Variants in ALAS1 observed in about 807,000 individuals in gnomAD.
The protein encoded by ALAS1 is 5'-aminolevulinate synthase 1.
ALAS1 carries 29 observed loss-of-function variants against 59.6 expected under a neutral mutation model. That is an observed-to-expected ratio of 0.49 (90% CI 0.36 to 0.66). The LOEUF (loss-of-function observed/expected upper bound fraction) is 0.66, where lower values mean the gene tolerates loss of function less well. Ranked by LOEUF, ALAS1 falls within the 30% of genes least tolerant of loss-of-function variation. ALAS1 has a pLI of 0.00. For synonymous variants in ALAS1, 299 were observed against 296.6 expected, an observed-to-expected ratio of 1.01 and a Z score of -0.08; for missense variants, 690 against 807.5, an observed-to-expected ratio of 0.85 and a Z score of 1.76.
At chr3:52,200,113 G>A (rs776032091) in intron 3 of ALAS1, among the ~76,000 whole-genome samples, 1 of 152,172 alleles carries the variant, frequency 6.6e-6, no homozygotes, top group Non-Finnish European at 1.5e-5. Context: ...ACCGTGCCCG[G>A]CCCCTTTGGC....
chr3:52,212,148 C>A, intron 10 of ALAS1, 110 bp from the exon 11 acceptor site: 1 of 952,848 alleles, frequency 1.0e-6, no homozygotes, highest in Non-Finnish European at 1.6e-6. Flanking sequence ...GCATGTGTTG[C>A]TACAGTCTGG....
rs537633642 is a variant in ALAS1 at position 52,214,203 on chromosome 3, T to C, written c.*23T>C. ...TGAGCATGACCTCAATTATTTCACTTAACCCCAGGCCATTATCATATCCAG... is the reference window on the plus strand; with the variant it reads ...TGAGCATGACCTCAATTATTTCACTCAACCCCAGGCCATTATCATATCCAG... On this transcript the variant is annotated 3_prime_UTR_variant, in exon 12 of 12. Coordinates refer to ENST00000484952, the MANE Select transcript of ALAS1 (RefSeq NM_000688.6). 3.8e-5 allele frequency: 60 copies of C among 1,571,478 alleles called. No homozygotes were observed. In the East Asian group the frequency reaches 1.3e-3, roughly 35 times the overall value.
chr3:52,199,418 A>G lies in ALAS1; in HGVS notation c.177A>G (p.Lys59=), dbSNP rs1699140512. 1 of 1,614,144 alleles carries G rather than the reference A, an allele frequency of 6.2e-7. No homozygotes were observed. The highest frequency in any genetic ancestry group is 2.2e-5 in the East Asian group (1 of 44,884). ...CAGCAGTACACTACCAACAGATCAA[A>G]GAAACCCCTCCGGCCAGTGAGAGTA... The part of the protein sequence containing the change: ...STAAVHYQQI[K]ETPPASEKDK... The change falls in exon 3 of 12, where the codon AAA becomes AAG. Residue 59 remains lysine (K), a synonymous_variant. Transcript: ENST00000484952.
At position 52,205,907 on chromosome 3, in the gene ALAS1, A is replaced by G. The variant is rs1699281790; in HGVS notation, c.869A>G (p.His290Arg). Residue 290 changes from histidine to arginine, a missense_variant, in exon 7 of 12, where the codon CAT (histidine) becomes CGT (arginine). His to Arg is a conservative substitution (Grantham distance 29). Transcript: ENST00000484952. Reference protein sequence around the residue: ...TRNISGTSKFHVDLERELADL... With the variant: ...TRNISGTSKFRVDLERELADL... ...AATATTTCTGGAACTAGTAAATTCC[A>G]TGTGGACTTAGAGCGGGAGCTGGCA... is the stretch of plus-strand genomic sequence containing the variant. 4.3e-6 allele frequency: 7 copies of G among 1,614,076 alleles called. No individual in the cohort carries two copies. The highest frequency in any genetic ancestry group is 2.2e-5 in the South Asian group (2 of 91,084).
In ALAS1 at chr3:52,202,709, G is replaced by A. The variant is rs1467396700; in HGVS notation, c.402G>A (p.Val134=). The A allele has an allele frequency of 1.2e-6, 2 of 1,613,940 alleles. No homozygotes were observed. Among genetic ancestry groups the A allele is most frequent in the South Asian group, 1.1e-5 (1 of 91,078 alleles). Residue 134 remains valine (V), a synonymous_variant, in exon 4 of 12, where the codon GTG becomes GTA. Transcript: ENST00000484952. ...CKASLELQED[V]QEMNAVRKEV... ...CCAGTCTTGAGCTTCAGGAGGATGT[G>A]CAGGAAATGAATGCCGTGAGGAAAG...
chr3:52,201,554 G>T (rs1699185729), intron 3 of ALAS1, among the ~76,000 whole-genome samples: 1 of 151,916 alleles, frequency 6.6e-6, no homozygotes, highest in African/African-American at 2.4e-5. Flanking sequence ...GAGTTTGATA[G>T]AAGCTAGGGC....
In ALAS1 at chr3:52,208,250, A is replaced by G; in HGVS notation, c.1330+3A>G. On this transcript the variant is annotated splice_donor_region_variant and intron_variant, in intron 9 of 11. Transcript: ENST00000484952. ...GGACATCATTTCTGGAACACTTGGT[A>G]TGTATACATTGTATTACATACACTA... The G allele has an allele frequency of 6.2e-7, 1 of 1,614,048 alleles. No individual in the cohort carries two copies. Among genetic ancestry groups the G allele is most frequent in the Non-Finnish European group, 8.5e-7 (1 of 1,179,930 alleles).
intron 6 of ALAS1, 43 bp downstream of exon 6, chr3:52,204,958 C>A (rs776322697): frequency 1.6e-5 from 24 of 1,528,006 alleles, no homozygotes; most frequent in Non-Finnish European, 9.0e-7. Flanking sequence ...TGTTATTTGG[C>A]AAGCCAATGA....
chr3:52,214,116 T>G lies in ALAS1; in HGVS notation c.1859T>G (p.Val620Gly). 1 of 1,613,958 alleles carries G rather than the reference T, an allele frequency of 6.2e-7. No homozygotes were observed. Among genetic ancestry groups the G allele is most frequent in the African/African-American group, 1.3e-5 (1 of 75,046 alleles). Residue 620 changes from valine to glycine, a missense_variant, in exon 12 of 12, where the codon GTG (valine) becomes GGG (glycine). Transcript: ENST00000484952. ...TGCAGGAGGCCACTGCATTTTGAAGTGATGAGTGAAAGAGAGAAGTCCTAT... is the reference window on the plus strand; with the variant it reads ...TGCAGGAGGCCACTGCATTTTGAAGGGATGAGTGAAAGAGAGAAGTCCTAT... ...NFCRRPLHFE[V>G]MSEREKSYFS...
chr3:52,198,481 T>C (rs1243386397), intron 1 of ALAS1, among the ~76,000 whole-genome samples, 191 bp from the exon 2 acceptor site: 1 of 152,112 alleles, frequency 6.6e-6, no homozygotes, highest in Non-Finnish European at 1.5e-5. Flanking sequence ...CGCTTTAGAA[T>C]TCCCTTCTCA....
Position 52,204,709 on chromosome 3 carries a change from G to A in ALAS1, c.594G>A (p.Gln198=), listed in dbSNP as rs770321717. The A allele has an allele frequency of 1.2e-6, 2 of 1,613,920 alleles. No individual in the cohort carries two copies. The highest frequency in any genetic ancestry group is 1.1e-5 in the South Asian group (1 of 91,074). ...AATTTTTAGCTGTTTCCACTTTTCA[G>A]TATGATCGTTTCTTTGAGAAAAAAA... ...DNLPKSVSTF[Q]YDRFFEKKID... The change falls in exon 6 of 12, where the codon CAG becomes CAA. Residue 198 remains glutamine, a synonymous_variant. Transcript: ENST00000484952.
chr3:52,198,124 C>G (rs1458286723), upstream of ALAS1: 1 of 398,250 alleles, frequency 2.5e-6, no homozygotes, highest in Non-Finnish European at 4.4e-6. Flanking sequence ...AGCGGTCACT[C>G]CCGCTGTATA....
intron 11 of ALAS1, 115 bp from the exon 12 acceptor site, chr3:52,213,905 C>A: frequency 1.1e-6 from 1 of 948,024 alleles, no homozygotes. Flanking sequence ...CTCTTGTTAA[C>A]TATTATGAAT....
chr3:52,213,934 T>C, intron 11 of ALAS1, 86 bp from the exon 12 acceptor site: 1 of 1,254,932 alleles, frequency 8.0e-7, no homozygotes, highest in Non-Finnish European at 1.1e-6. Context: ...TATGAACATT[T>C]GTGTACAAGT....
In ALAS1 at chr3:52,205,838, G is replaced by A; in HGVS notation, c.801-1G>A. 1 of 1,601,730 alleles carries A rather than the reference G, an allele frequency of 6.2e-7. No homozygotes were observed. The highest frequency in any genetic ancestry group is 8.5e-7 in the Non-Finnish European group (1 of 1,172,940). The stretch of plus-strand genomic sequence containing the variant: ...CTGGTTTTGTTTGTATTTTTAAACA[G>A]GGACACTTTGAAACAACATGGTGCT... On this transcript the variant is annotated splice_acceptor_variant, in intron 6 of 11. Transcript: ENST00000484952. LOFTEE classifies it high-confidence loss of function.
At chr3:52,212,923 G>C (rs1266881420) in intron 11 of ALAS1, among the ~76,000 whole-genome samples, 1 of 152,158 alleles carries the variant, frequency 6.6e-6, no homozygotes, top group Non-Finnish European at 1.5e-5. Flanking sequence ...AGAGGGTGGA[G>C]AGTCATTTTG....
chr3:52,206,528 GTCT>G, intron 7 of ALAS1, 41 bp from the exon 8 acceptor site: 2 of 1,575,494 alleles, frequency 1.3e-6, no homozygotes, highest in Middle Eastern at 1.7e-4. Flanking sequence ...GAAATAATTT[GTCT>G]TCGATGCACA....
intron 2 of ALAS1, 79 bp downstream of exon 2, chr3:52,198,927 C>G (rs1410709553): frequency 1.8e-5 from 26 of 1,455,270 alleles, no homozygotes; most frequent in Non-Finnish European, 2.2e-5. Context: ...TGACCTTTCC[C>G]TCATCCTTCC....
At chr3:52,206,151 C>A in intron 7 of ALAS1, 128 bp downstream of exon 7, 1 of 918,574 alleles carries the variant, frequency 1.1e-6, no homozygotes, top group Non-Finnish European at 1.6e-6. Flanking sequence ...GGCATTTGTT[C>A]TGGGGTCAAG....
Sources: gnomAD v4.1 joint callset for allele counts (sites outside exome capture counted in the v4.1 genomes callset) on GRCh38, gnomAD v4.1.1 for gene constraint, MANE v1.5 for transcripts, NCBI Gene and HGNC (gene_info 2026-07-23, HGNC 2026-07-21) for gene names.